The following AOPEP variants were observed in gnomAD, a reference collection of about 807,000 sequenced individuals.
The protein encoded by AOPEP is aminopeptidase O (putative), also known as aminopeptidase O.
A neutral mutation model predicts 98.1 loss-of-function variants in AOPEP; 77 were observed. The ratio of observed to expected loss-of-function variants is 0.78; its 90% confidence interval spans 0.65 to 0.95. AOPEP has a LOEUF of 0.95. AOPEP is among the 40% of genes least tolerant of loss of function. AOPEP has a pLI of 0.00. For missense variants in AOPEP, 1,024 were observed against 1,024.7 expected (o/e 1.00, Z 0.01); for synonymous variants, 346 against 365.3 (o/e 0.95, Z 0.60).
At chr9:94,946,248 T>C (rs1027956226) in intron 7 of AOPEP, among the ~76,000 whole-genome samples, 2 of 152,376 alleles carry the variant, frequency 1.3e-5, no homozygotes, top group Admixed American at 1.3e-4. Flanking sequence ...CTCTTGACTC[T>C]ACTGAATGGA....
chr9:95,122,905 C>T, the AOPEP span, among the ~76,000 whole-genome samples: 19 of 152,128 alleles, frequency 1.2e-4, 1 homozygote, highest in African/African-American at 4.3e-4. Context: ...GCCTTCCAGC[C>T]GAGCCACCTC....
At chr9:94,880,329 A>G (rs2047424471) in intron 5 of AOPEP, among the ~76,000 whole-genome samples, 1 of 149,546 alleles carries the variant, frequency 6.7e-6, no homozygotes, top group Admixed American at 6.6e-5. Context: ...TTTATTATGC[A>G]TATTTGTCTT....
At chr9:94,788,603 T>C (rs1844961579) in intron 3 of AOPEP, among the ~76,000 whole-genome samples, 1 of 152,000 alleles carries the variant, frequency 6.6e-6, no homozygotes, top group African/African-American at 2.4e-5. Flanking sequence ...GGGACTGAAA[T>C]ATGAATTGGA....
At chr9:95,100,421 T>G in the AOPEP span, 1 of 231,114 alleles carries the variant, frequency 4.3e-6, no homozygotes, top group Admixed American at 5.6e-5. Context: ...AAAGGTTAAC[T>G]TCTAATCCAG....
At chr9:94,996,814 C>G (rs1236931629) in intron 11 of AOPEP, among the ~76,000 whole-genome samples, 2 of 152,124 alleles carry the variant, frequency 1.3e-5, no homozygotes, top group African/African-American at 4.8e-5. Flanking sequence ...AACAATAGAG[C>G]CCATGTGGTT....
At chr9:95,091,671 G>T (rs538654037), downstream of AOPEP, among the ~76,000 whole-genome samples, 15 of 152,294 alleles carry the variant, frequency 9.8e-5, no homozygotes, top group Non-Finnish European at 2.1e-4. Flanking sequence ...GAGGCCAGTT[G>T]TGACTATTCA....
At chr9:94,917,171 A>ACGTTCTCT (rs1346373661) in intron 5 of AOPEP, among the ~76,000 whole-genome samples, 3 of 152,020 alleles carry the variant, frequency 2.0e-5, no homozygotes, top group Admixed American at 2.0e-4. Context: ...GGTCTCCACA[A>ACGTTCTCT]CGTTCTCTCG....
chr9:95,059,393 T>G (rs2067119832), intron 13 of AOPEP, among the ~76,000 whole-genome samples: 1 of 152,186 alleles, frequency 6.6e-6, no homozygotes, highest in African/African-American at 2.4e-5. Flanking sequence ...AAGTGGGGGC[T>G]TTCTTAGAAC....
chr9:95,002,433 A>G (rs1027890840), intron 11 of AOPEP, among the ~76,000 whole-genome samples: 1 of 151,832 alleles, frequency 6.6e-6, no homozygotes, highest in African/African-American at 2.4e-5. Context: ...AAAGAGCTAT[A>G]ATAACTGAAC....
intron 5 of AOPEP, among the ~76,000 whole-genome samples, chr9:94,854,003 T>C (rs1347111327): frequency 6.6e-6 from 1 of 152,216 alleles, no homozygotes; most frequent in Non-Finnish European, 1.5e-5. Context: ...CTGATGAGTT[T>C]TTGTTCAATG....
intron 9 of AOPEP, among the ~76,000 whole-genome samples, chr9:94,966,575 A>G (rs749481300): frequency 2.0e-5 from 3 of 152,242 alleles, no homozygotes; most frequent in Non-Finnish European, 4.4e-5. Context: ...AGTTCCAAGA[A>G]AGTTAAATAT....
At chr9:95,134,854 G>A in the AOPEP span, among the ~76,000 whole-genome samples, 1 of 152,252 alleles carries the variant, frequency 6.6e-6, no homozygotes. Context: ...GCAGGGGAGG[G>A]TGAAGGCAGG....
At chr9:94,936,680 G>T (rs1028651368) in intron 7 of AOPEP, among the ~76,000 whole-genome samples, 8 of 152,172 alleles carry the variant, frequency 5.3e-5, no homozygotes, top group African/African-American at 1.9e-4. Flanking sequence ...ACTGTCCAGA[G>T]CATCAGATCC....
intron 13 of AOPEP, among the ~76,000 whole-genome samples, chr9:95,006,987 G>C (rs1335919878): frequency 1.3e-5 from 2 of 148,348 alleles, no homozygotes; most frequent in African/African-American, 5.0e-5. Flanking sequence ...TTGAAGCCTC[G>C]GCCTCCCAGG....
At chr9:95,034,483 A>T (rs1277040325) in intron 13 of AOPEP, among the ~76,000 whole-genome samples, 1 of 152,254 alleles carries the variant, frequency 6.6e-6, no homozygotes. Flanking sequence ...TATGCTTGTT[A>T]TAATTTGAGA....
chr9:94,923,983 C>A lies in AOPEP; in HGVS notation c.1365-3C>A. 1 of 1,406,068 alleles carries A rather than the reference C, an allele frequency of 7.1e-7. No individual in the cohort carries two copies. Among genetic ancestry groups the A allele is most frequent in the Non-Finnish European group, 9.4e-7 (1 of 1,069,320 alleles). The allele number at this position is 1,406,068 out of a possible 1,614,324, so 87.1% of individuals were successfully genotyped here. On this transcript the variant is annotated splice_region_variant and splice_polypyrimidine_tract_variant and intron_variant, in intron 5 of 16. Transcript: ENST00000375315. ...TGTGCATTTTCTCCCCCATTATCCA[C>A]AGCCCACACATCATGTTCCTCTCTC... is the stretch of plus-strand genomic sequence containing the variant.
chr9:94,829,935 C>T (rs932398233), intron 5 of AOPEP, among the ~76,000 whole-genome samples: 2 of 152,158 alleles, frequency 1.3e-5, no homozygotes, highest in Non-Finnish European at 2.9e-5. Context: ...CTGTGCTTTG[C>T]CTGCATGATC....
intron 5 of AOPEP, among the ~76,000 whole-genome samples, chr9:94,871,787 A>G (rs2046378272): frequency 6.6e-6 from 1 of 152,170 alleles, no homozygotes; most frequent in African/African-American, 2.4e-5. Context: ...CCAGTGGATC[A>G]CTTGAGCCCA....
At chr9:95,112,875 C>T in the AOPEP span, among the ~76,000 whole-genome samples, 2 of 152,336 alleles carry the variant, frequency 1.3e-5, no homozygotes, top group South Asian at 2.1e-4. Context: ...GCACCACATG[C>T]GCCCTTTCTG....
Sources: gnomAD v4.1 joint callset for allele counts (sites outside exome capture counted in the v4.1 genomes callset) on GRCh38, gnomAD v4.1.1 for gene constraint, MANE v1.5 for transcripts, NCBI Gene and HGNC (gene_info 2026-07-23, HGNC 2026-07-21) for gene names.